The following IL20RA variants were observed in gnomAD, a reference collection of about 807,000 sequenced individuals.
The protein encoded by IL20RA is interleukin 20 receptor subunit alpha.
Under a neutral mutation model 36.5 loss-of-function variants are expected in IL20RA, and 29 were observed. The ratio of observed to expected loss-of-function variants is 0.79; its 90% CI spans 0.59 to 1.08. IL20RA has a LOEUF of 1.08. Ranked by LOEUF, IL20RA falls within the 50% of genes least tolerant of loss-of-function variation. The probability of loss-of-function intolerance (pLI) is 0.00; values close to 1 mark genes in which losing one functional copy is unlikely to be tolerated. For missense variants in IL20RA, 652 were observed against 668.4 expected, an observed-to-expected ratio of 0.98 and a Z score of 0.27; for synonymous variants, 279 against 267.1, an observed-to-expected ratio of 1.04 and a Z score of -0.43.
chr6:137,007,749 T>G (rs1294602214), intron 5 of IL20RA, among the ~76,000 whole-genome samples: 1 of 152,130 alleles, frequency 6.6e-6, no homozygotes, highest in Non-Finnish European at 1.5e-5. Flanking sequence ...GAAGCAACTG[T>G]AAGGATAAGG....
Position 137,002,058 on chromosome 6 carries a change from G to A in IL20RA, c.1162C>T (p.Leu388Phe), listed in dbSNP as rs750789257. The A allele has an allele frequency of 6.2e-7, 1 of 1,614,148 alleles. No individual in the cohort carries two copies. The highest frequency in any genetic ancestry group is 8.5e-7 in the Non-Finnish European group (1 of 1,180,036). The change falls in exon 7 of 7, where the codon CTC becomes TTC. Residue 388 changes from leucine (L) to phenylalanine (F), a missense_variant. Physicochemically the swap from Leu to Phe is conservative, Grantham distance 22. Coordinates refer to ENST00000316649, the MANE Select transcript of IL20RA (RefSeq NM_014432.4). ...TTATCCGGGGGTATTGTTCTGCTGA[G>A]GGACTCTTGCTGGGTGAGAGAAGTA... Reference protein sequence around the residue: ...EGTSLTQQESLSRTIPPDKTV... With the variant: ...EGTSLTQQESFSRTIPPDKTV...
intron 1 of IL20RA, among the ~76,000 whole-genome samples, chr6:137,018,950 G>A (rs1775805075): frequency 6.6e-6 from 1 of 152,106 alleles, no homozygotes; most frequent in East Asian, 1.9e-4. Flanking sequence ...ATCACTGGTG[G>A]AAGACATTGT....
At chr6:137,030,979 C>T (rs1026021146) in intron 1 of IL20RA, among the ~76,000 whole-genome samples, 1 of 152,186 alleles carries the variant, frequency 6.6e-6, no homozygotes, top group African/African-American at 2.4e-5. Flanking sequence ...TACTTATTTC[C>T]TCCCAGCCAC....
At position 137,004,780 on chromosome 6, in the gene IL20RA, GGT is replaced by G. The variant is rs761891351; in HGVS notation, c.725-22_725-21del. 7.1e-7 allele frequency: 1 copy of G among 1,400,318 alleles called. No homozygotes were observed. The highest frequency in any genetic ancestry group is 9.8e-7 in the Non-Finnish European group (1 of 1,017,318). 86.7% of individuals were successfully genotyped at this position (1,400,318 alleles called of 1,614,324 possible). On this transcript the variant is annotated intron_variant, in intron 5 of 6. Transcript: ENST00000316649. ...ATTGATCTGTAAAAAAAAAAAAAAA[GGT>G]GGGAATTCGGGGGAAGGGATTAGAT...
In IL20RA at chr6:137,007,180, G is replaced by C. The variant is rs117078901; in HGVS notation, c.724+1419C>G. On this transcript the variant is annotated intron_variant, in intron 5 of 6. Transcript: ENST00000316649. The stretch of plus-strand genomic sequence containing the variant: ...ACTGATCAAGGTGTTAGTAAAGAGA[G>C]CACTTCTCCCAAATACAAATGCGAT... Among the ~76,000 whole-genome samples, 936 of 152,308 alleles carry C rather than the reference G, an allele frequency of 6.1e-3. 5 individuals carry two copies. The highest frequency in any genetic ancestry group is 0.041 in the South Asian group (198 of 4,824).
At chr6:137,025,859 C>T (rs1460207559) in intron 1 of IL20RA, among the ~76,000 whole-genome samples, 1 of 152,214 alleles carries the variant, frequency 6.6e-6, no homozygotes, top group African/African-American at 2.4e-5. Flanking sequence ...AAAGCCTACG[C>T]ATACGTGAGT....
rs1349482399 is a variant in IL20RA, at chr6:137,009,611, T to C, written c.404-119A>G. ...AAGACATCCTTTTTTTTTTTTTTTT[T>C]TTTTTTTTTTTTGAGATGGAGTCTT... On this transcript the variant is annotated intron_variant, in intron 3 of 6. Transcript: ENST00000316649. The C allele has an allele frequency of 2.1e-5, 13 of 624,222 alleles. No individual in the cohort carries two copies. The Admixed American group carries it at 2.7e-4, about 13-fold the overall frequency. The allele number at this position is 624,222 out of a possible 1,614,324, so 38.7% of individuals were successfully genotyped here.
chr6:137,022,377 A>G (rs1323219436), intron 1 of IL20RA, among the ~76,000 whole-genome samples: 2 of 152,194 alleles, frequency 1.3e-5, no homozygotes, highest in Non-Finnish European at 2.9e-5. Context: ...ACTCTGGTTT[A>G]TGTTTAGTTG....
At chr6:137,027,284 G>A (rs1190540126) in intron 1 of IL20RA, among the ~76,000 whole-genome samples, 2 of 152,148 alleles carry the variant, frequency 1.3e-5, no homozygotes. Context: ...AGCACGATTC[G>A]GTGCTAGCAT....
chr6:137,021,629 C>G (rs1201024650), intron 1 of IL20RA, among the ~76,000 whole-genome samples: 1 of 151,982 alleles, frequency 6.6e-6, no homozygotes, highest in Non-Finnish European at 1.5e-5. Flanking sequence ...CAGAGAGCCA[C>G]TGCACTCCAG....
intron 1 of IL20RA, among the ~76,000 whole-genome samples, chr6:137,032,985 G>A (rs1353102683): frequency 6.6e-6 from 1 of 152,180 alleles, no homozygotes; most frequent in African/African-American, 2.4e-5. Context: ...GGGCAATAAT[G>A]AAGAGACGCC....
chr6:137,044,497 G>C (rs1476964752), intron 1 of IL20RA, 144 bp downstream of exon 1: 1 of 902,758 alleles, frequency 1.1e-6, no homozygotes, highest in East Asian at 3.7e-5. Flanking sequence ...GGAAGCTCCG[G>C]CCTCCGCGCA....
chr6:137,042,273 G>C (rs369571368), intron 1 of IL20RA, among the ~76,000 whole-genome samples: 62 of 152,306 alleles, frequency 4.1e-4, no homozygotes, highest in African/African-American at 1.4e-3. Flanking sequence ...GATAAGGCTG[G>C]AGAGACAGGC....
chr6:137,004,560 T>A (rs1775206029), intron 6 of IL20RA, 61 bp downstream of exon 6: 1 of 1,462,422 alleles, frequency 6.8e-7, no homozygotes, highest in African/African-American at 1.4e-5. Context: ...TAGAACCTCC[T>A]CTTCTGTCCT....
At chr6:137,040,478 C>T (rs542609111) in intron 1 of IL20RA, among the ~76,000 whole-genome samples, 60 of 152,102 alleles carry the variant, frequency 3.9e-4, no homozygotes, top group African/African-American at 1.2e-3. Flanking sequence ...TAATTCCAGG[C>T]CTGGGGCAGG....
chr6:137,039,944 C>T (rs1397698879), intron 1 of IL20RA, among the ~76,000 whole-genome samples: 2 of 151,908 alleles, frequency 1.3e-5, no homozygotes, highest in African/African-American at 4.8e-5. Context: ...AATAACCACA[C>T]CAAAAGGAGT....
At position 137,004,726 on chromosome 6, in the gene IL20RA, G is replaced by A; in HGVS notation, c.759C>T (p.Phe253=). Reference sequence around the variant, plus strand: ...TAATAGATACGGGCAAAACATACCAGAAGATGATTTTAGCCTTGAACTCTG... The same window carrying A: ...TAATAGATACGGGCAAAACATACCAAAAGATGATTTTAGCCTTGAACTCTG... The part of the protein sequence containing the change: ...QSSEFKAKII[F]WYVLPVSITV... The change falls in exon 6 of 7, where the codon TTC becomes TTT. Residue 253 remains phenylalanine (F), a synonymous_variant. Coordinates refer to ENST00000316649, the MANE Select transcript of IL20RA (RefSeq NM_014432.4). 6.3e-7 allele frequency: 1 copy of A among 1,596,792 alleles called. No individual in the cohort carries two copies. The highest frequency in any genetic ancestry group is 8.5e-7 in the Non-Finnish European group (1 of 1,175,536).
At chr6:137,044,301 C>A in intron 1 of IL20RA, 1 of 1,017,036 alleles carries the variant, frequency 9.8e-7, no homozygotes, top group South Asian at 4.6e-5. Context: ...CGCATGGTAA[C>A]CGTCCCCGAC....
At chr6:137,024,749 C>T (rs1427394917) in intron 1 of IL20RA, among the ~76,000 whole-genome samples, 1 of 152,170 alleles carries the variant, frequency 6.6e-6, no homozygotes, top group Non-Finnish European at 1.5e-5. Flanking sequence ...ATGTGTGCAT[C>T]ATTGAATAAA....
Sources: gnomAD v4.1 joint callset for allele counts (sites outside exome capture counted in the v4.1 genomes callset) on GRCh38, gnomAD v4.1.1 for gene constraint, MANE v1.5 for transcripts, NCBI Gene and HGNC (gene_info 2026-07-23, HGNC 2026-07-21) for gene names.